SLIT1: variants seen among roughly 807,000 people sequenced by gnomAD.
SLIT1 encodes slit homolog 1 protein.
Under a neutral mutation model 186.1 loss-of-function variants are expected in SLIT1, and 66 were observed. The ratio of observed to expected loss-of-function variants is 0.35; its 90% CI spans 0.29 to 0.44. The LOEUF (loss-of-function observed/expected upper bound fraction) is 0.44. Ranked by LOEUF, SLIT1 falls within the 20% of genes least tolerant of loss-of-function variation. The pLI is 1.00. For synonymous variants in SLIT1, 761 were observed against 833.8 expected, an observed-to-expected ratio of 0.91 and a Z score of 1.50; for missense variants, 1,638 against 2,037.4, an observed-to-expected ratio of 0.80 and a Z score of 3.77.
chr10:97,131,923 T>C (rs1216923872), intron 4 of SLIT1, among the ~76,000 whole-genome samples: 2 of 152,244 alleles, frequency 1.3e-5, no homozygotes, highest in African/African-American at 2.4e-5. Flanking sequence ...AACGTGCCCA[T>C]GTGGCAGAGC....
rs562279428 is a variant in SLIT1, at chr10:97,109,744, G to T, written c.414-43658C>A. Among the ~76,000 whole-genome samples the T allele has an allele frequency of 2.6e-5, 4 of 152,262 alleles. No individual in the cohort carries two copies. The East Asian group carries it at 7.7e-4, about 29-fold the overall frequency. The stretch of plus-strand genomic sequence containing the variant: ...CGTGTGTGCTCTCCACAGCTTTTGT[G>T]CCTGATCAGTCATCTCATTTCCCTT... On this transcript the variant is annotated intron_variant, in intron 4 of 36. Coordinates refer to ENST00000266058, the MANE Select transcript of SLIT1 (RefSeq NM_003061.3).
chr10:97,031,811 G>A (rs1046253524), intron 23 of SLIT1, 134 bp from the exon 24 acceptor site: 15 of 666,766 alleles, frequency 2.2e-5, no homozygotes, highest in East Asian at 1.1e-4. Flanking sequence ...CAGAGCAGCC[G>A]GCAAGTGCAT....
chr10:97,157,186 A>T (rs906224571), intron 4 of SLIT1: 1 of 152,244 alleles, frequency 6.6e-6, no homozygotes, highest in Non-Finnish European at 1.5e-5. Flanking sequence ...GCTGCAGAAG[A>T]GATTCCTTAG....
rs371585872 is a variant in SLIT1 at position 97,026,110 on chromosome 10, GTA to G, written c.2582+4645_2582+4646del. ...TAGTGTATTCCCTTCCATTTCCTGT[GTA>G]TATGTTTGTACATCAGAGTGTACAG... is the stretch of plus-strand genomic sequence containing the variant. On this transcript the variant is annotated intron_variant, in intron 25 of 36. Transcript: ENST00000266058. Among the ~76,000 whole-genome samples, 31 of 152,298 alleles carry G rather than the reference GTA, an allele frequency of 2.0e-4. 1 individual carries two copies. The highest frequency in any genetic ancestry group is 6.7e-4 in the African/African-American group (28 of 41,536).
chr10:97,107,129 A>G (rs763349680), intron 4 of SLIT1, among the ~76,000 whole-genome samples: 5 of 152,242 alleles, frequency 3.3e-5, no homozygotes, highest in Non-Finnish European at 7.3e-5. Context: ...AAAGGTACCC[A>G]ACAGGGATAC....
At chr10:97,056,167 C>T (rs187023928) in intron 13 of SLIT1, among the ~76,000 whole-genome samples, 154 bp downstream of exon 13, 6 of 152,314 alleles carry the variant, frequency 3.9e-5, no homozygotes, top group Admixed American at 6.5e-5. Flanking sequence ...GAACCTAGGA[C>T]GGTCTAACCC....
chr10:97,166,958 C>G (rs1281037204), intron 1 of SLIT1, among the ~76,000 whole-genome samples: 1 of 152,172 alleles, frequency 6.6e-6, no homozygotes, highest in African/African-American at 2.4e-5. Context: ...TCTACCAGGT[C>G]AGGCTGTCTC....
chr10:97,046,737 A>G lies in SLIT1; in HGVS notation c.1770T>C (p.Ser590=). The part of the protein sequence containing the change: ...IEDGAFEGAA[S]VSELHLTANQ... Reference sequence around the variant, plus strand: ...TGGCAGTTAGGTGCAGCTCGCTCACAGAGGCTGCGCCCTCGAAGGCCCCAT... The same window carrying G: ...TGGCAGTTAGGTGCAGCTCGCTCACGGAGGCTGCGCCCTCGAAGGCCCCAT... Residue 590 remains serine (S), a synonymous_variant, in exon 18 of 37, where the codon TCT becomes TCC. Transcript: ENST00000266058. 6.2e-7 allele frequency: 1 copy of G among 1,612,700 alleles called. No homozygotes were observed. Among genetic ancestry groups the G allele is most frequent in the Non-Finnish European group, 8.5e-7 (1 of 1,180,006 alleles).
At chr10:97,017,499 C>T (rs772388944) in intron 28 of SLIT1, among the ~76,000 whole-genome samples, 3 of 152,190 alleles carry the variant, frequency 2.0e-5, no homozygotes, top group African/African-American at 4.8e-5. Context: ...AGTGGGAGGG[C>T]GCTTGCGTTG....
intron 13 of SLIT1, among the ~76,000 whole-genome samples, chr10:97,050,793 T>C (rs1589375184): frequency 6.6e-6 from 1 of 152,336 alleles, no homozygotes; most frequent in East Asian, 1.9e-4. Flanking sequence ...AGGCATGTAT[T>C]AAAATACTCA....
chr10:97,098,309 G>T (rs908689694), intron 4 of SLIT1, among the ~76,000 whole-genome samples: 2 of 152,226 alleles, frequency 1.3e-5, no homozygotes, highest in African/African-American at 4.8e-5. Flanking sequence ...TCCTACTGCT[G>T]CTCCCAACTC....
intron 4 of SLIT1, among the ~76,000 whole-genome samples, chr10:97,144,930 A>AC (rs911010289): frequency 3.3e-5 from 5 of 152,244 alleles, no homozygotes; most frequent in African/African-American, 1.2e-4. Flanking sequence ...GAGGAAATAG[A>AC]CACAGAGAGG....
chr10:97,004,478 A>G lies in SLIT1; in HGVS notation c.3710+215T>C, dbSNP rs1474833543. On this transcript the variant is annotated intron_variant, in intron 33 of 36. Coordinates refer to ENST00000266058, the MANE Select transcript of SLIT1 (RefSeq NM_003061.3). This position sits in a 1 kb window ranked among gnomAD's most constrained non-coding sequence, Gnocchi z 5.1. ...CCCTCCCCATTAAGGAGCCTCCTCT[A>G]AGGTGGTGGTGGGATGGGGAAGGAT... Among the ~76,000 whole-genome samples the G allele has an allele frequency of 6.6e-6, 1 of 152,092 alleles. No individual in the cohort carries two copies. Among genetic ancestry groups the G allele is most frequent in the Admixed American group, 6.5e-5 (1 of 15,270 alleles).
intron 8 of SLIT1, among the ~76,000 whole-genome samples, chr10:97,062,990 G>A (rs906832164): frequency 1.3e-5 from 2 of 152,166 alleles, no homozygotes; most frequent in Non-Finnish European, 2.9e-5. Context: ...CTAATTCAAC[G>A]ACTTGTCAAG....
Position 97,111,224 on chromosome 10 carries a change from T to C in SLIT1, c.414-45138A>G, listed in dbSNP as rs745554840. ...AAGAAGAAAAGAAAAGAAAGAGGGC[T>C]GACCCTAATATAGGTAAGGACATCT... On this transcript the variant is annotated intron_variant, in intron 4 of 36. Coordinates refer to ENST00000266058, the MANE Select transcript of SLIT1 (RefSeq NM_003061.3). Among the ~76,000 whole-genome samples, 3 of 150,606 alleles carry C rather than the reference T, an allele frequency of 2.0e-5. No homozygotes were observed. In the South Asian group the frequency reaches 6.3e-4, roughly 32 times the overall value.
chr10:97,058,070 C>G, intron 11 of SLIT1: 1 of 717,422 alleles, frequency 1.4e-6, no homozygotes. Context: ...GCTGTGTGTG[C>G]CTGTCGTGTG....
chr10:97,034,377 G>T, intron 23 of SLIT1, 94 bp downstream of exon 23: 1 of 895,970 alleles, frequency 1.1e-6, no homozygotes, highest in Non-Finnish European at 1.9e-6. Context: ...GTCTGCAGGC[G>T]AGGGATCTGG....
At chr10:97,053,468 G>A (rs1453319979) in intron 13 of SLIT1, among the ~76,000 whole-genome samples, 2 of 152,136 alleles carry the variant, frequency 1.3e-5, no homozygotes, top group African/African-American at 4.8e-5. Flanking sequence ...GACATCTCTG[G>A]TGATGTGCAG....
At chr10:97,024,881 G>A (rs1260361757) in intron 25 of SLIT1, among the ~76,000 whole-genome samples, 1 of 152,204 alleles carries the variant, frequency 6.6e-6, no homozygotes, top group Non-Finnish European at 1.5e-5. Context: ...CTGTGAAAGA[G>A]AGGGCCCACG....
Sources: gnomAD v4.1 joint callset for allele counts (sites outside exome capture counted in the v4.1 genomes callset) on GRCh38, gnomAD v4.1.1 for gene constraint, Gnocchi (gnomAD v3.1) non-coding constraint, MANE v1.5 for transcripts, NCBI Gene and HGNC (gene_info 2026-07-23, HGNC 2026-07-21) for gene names.